The following GNB1 variants were observed in gnomAD, a reference collection of about 807,000 sequenced individuals.
GNB1 encodes the protein guanine nucleotide-binding protein G(I)/G(S)/G(T) subunit beta-1.
Under a neutral mutation model 42.9 loss-of-function variants are expected in GNB1, and 2 were observed. The ratio of observed to expected loss-of-function variants is 0.05; its 90% CI spans 0.02 to 0.15. The LOEUF is 0.15. Ranked by LOEUF, GNB1 falls within the 10% of genes least tolerant of loss-of-function variation. GNB1 has a pLI of 1.00. For synonymous variants in GNB1, 183 were observed against 174.7 expected, an observed-to-expected ratio of 1.05 and a Z score of -0.38; for missense variants, 193 against 462.2, an observed-to-expected ratio of 0.42 and a Z score of 5.34.
At chr1:1,845,461 TA>T (rs1367944166) in intron 1 of GNB1, among the ~76,000 whole-genome samples, 5 of 152,044 alleles carry the variant, frequency 3.3e-5, no homozygotes, top group Non-Finnish European at 5.9e-5. Flanking sequence ...TAGTCCCAGC[TA>T]CTCAGGAGGC....
intron 2 of GNB1, among the ~76,000 whole-genome samples, chr1:1,838,777 A>C (rs1480080705): frequency 6.6e-6 from 1 of 152,120 alleles, no homozygotes; most frequent in Non-Finnish European, 1.5e-5. Flanking sequence ...TCTGATTTGA[A>C]AAAAGGGCTC....
At chr1:1,839,503 G>A (rs1647195716) in intron 1 of GNB1, 1 of 152,088 alleles carries the variant, frequency 6.6e-6, no homozygotes, top group Admixed American at 6.6e-5. Context: ...TGAAAAGTAT[G>A]GGCACAGAGG....
chr1:1,848,310 C>T (rs1031994203), intron 1 of GNB1, among the ~76,000 whole-genome samples: 24 of 140,554 alleles, frequency 1.7e-4, no homozygotes, highest in African/African-American at 5.9e-4. Context: ...ACCCAGGAGG[C>T]GGAGGCTGCA....
intron 1 of GNB1, chr1:1,839,494 G>A (rs1323846464): frequency 6.6e-6 from 1 of 152,082 alleles, no homozygotes; most frequent in Non-Finnish European, 1.5e-5. Context: ...GAATTAAACT[G>A]AAAAGTATGG....
intron 7 of GNB1, among the ~76,000 whole-genome samples, chr1:1,801,305 G>T (rs1646623262): frequency 6.6e-6 from 1 of 152,198 alleles, no homozygotes; most frequent in South Asian, 2.1e-4. Flanking sequence ...TGGGATTACA[G>T]GCGTGAGCCA....
At chr1:1,855,655 G>A (rs1434369545) in intron 1 of GNB1, among the ~76,000 whole-genome samples, 3 of 151,016 alleles carry the variant, frequency 2.0e-5, no homozygotes, top group African/African-American at 2.4e-5. Context: ...GCAGTGAGCC[G>A]AGATCGCGCC....
chr1:1,846,659 G>A (rs534762552), intron 1 of GNB1, among the ~76,000 whole-genome samples: 129 of 152,270 alleles, frequency 8.5e-4, no homozygotes, highest in African/African-American at 3.0e-3. Context: ...CCTAGGCACA[G>A]CCATCCTCTT....
intron 5 of GNB1, among the ~76,000 whole-genome samples, chr1:1,814,555 T>C (rs1422354826): frequency 6.6e-6 from 1 of 151,890 alleles, no homozygotes; most frequent in Non-Finnish European, 1.5e-5. Flanking sequence ...TCTCAGCACT[T>C]TGGGAGGCTG....
chr1:1,890,726 A>C (rs1236038570), intron 1 of GNB1, 94 bp downstream of exon 1: 4 of 146,832 alleles, frequency 2.7e-5, no homozygotes, highest in African/African-American at 9.9e-5. Context: ...CGCGGCCCCG[A>C]CCGGCGGGTG....
Position 1,840,699 on chromosome 1 carries a change from G to A in GNB1, c.-95-1461C>T, listed in dbSNP as rs1208485187. Among the ~76,000 whole-genome samples, 4 of 152,302 alleles carry A rather than the reference G, an allele frequency of 2.6e-5. No individual in the cohort carries two copies. The East Asian group carries it at 7.7e-4, about 29-fold the overall frequency. On this transcript the variant is annotated intron_variant, in intron 1 of 11. Transcript: ENST00000378609. ...TTGTGAGTCCTGGCAAGTCTATGTTGGGACACTTCCAATCCCTCCCTCTGT... is the reference window on the plus strand; with the variant it reads ...TTGTGAGTCCTGGCAAGTCTATGTTAGGACACTTCCAATCCCTCCCTCTGT...
chr1:1,827,534 G>T (rs1473356400), intron 2 of GNB1, among the ~76,000 whole-genome samples: 1 of 152,206 alleles, frequency 6.6e-6, no homozygotes, highest in Non-Finnish European at 1.5e-5. Flanking sequence ...ATTCTTAAGG[G>T]ATAAGACTGG....
chr1:1,854,913 C>A (rs1397698435), intron 1 of GNB1, among the ~76,000 whole-genome samples: 4 of 152,106 alleles, frequency 2.6e-5, no homozygotes, highest in African/African-American at 4.8e-5. Flanking sequence ...GTAATCCCAG[C>A]ACTTTGGGAG....
chr1:1,829,415 GT>G (rs1409231730), intron 2 of GNB1, among the ~76,000 whole-genome samples: 1 of 152,186 alleles, frequency 6.6e-6, no homozygotes, highest in African/African-American at 2.4e-5. Context: ...TCAATGATCA[GT>G]ACCATCTTTT....
At chr1:1,829,744 T>A (rs1016174416) in intron 2 of GNB1, among the ~76,000 whole-genome samples, 1 of 152,082 alleles carries the variant, frequency 6.6e-6, no homozygotes, top group East Asian at 1.9e-4. Flanking sequence ...CCATCTTTTT[T>A]CTTTTTTTTT....
At chr1:1,798,608 C>T (rs1646578895) in intron 7 of GNB1, among the ~76,000 whole-genome samples, 1 of 152,206 alleles carries the variant, frequency 6.6e-6, no homozygotes, top group Non-Finnish European at 1.5e-5. Context: ...GAGAGGTATG[C>T]AAAGAACAAA....
intron 1 of GNB1, among the ~76,000 whole-genome samples, chr1:1,865,353 G>A (rs150326912): frequency 0.014 from 2,055 of 149,872 alleles, 37 homozygotes; most frequent in African/African-American, 0.048. Context: ...CTGAGAGGCC[G>A]AGGAGGGCGG....
At chr1:1,825,310 C>A in intron 3 of GNB1, 87 bp downstream of exon 3, 1 of 898,212 alleles carries the variant, frequency 1.1e-6, no homozygotes, top group South Asian at 1.3e-5. Flanking sequence ...TAGAACAAGT[C>A]ATCCTGTAAA....
intron 1 of GNB1, among the ~76,000 whole-genome samples, chr1:1,861,422 TGA>T (rs1446203338): frequency 1.3e-5 from 2 of 152,028 alleles, no homozygotes; most frequent in African/African-American, 4.8e-5. Flanking sequence ...CACTCCAGCC[TGA>T]GTGACAGAGC....
chr1:1,870,637 A>G (rs573735103), intron 1 of GNB1, among the ~76,000 whole-genome samples: 88 of 152,332 alleles, frequency 5.8e-4, no homozygotes, highest in Non-Finnish European at 1.1e-3. Context: ...AAGAATAATC[A>G]TCTGCCAAGA....
Sources: allele counts gnomAD v4.1 joint callset (sites outside exome capture counted in the v4.1 genomes callset), GRCh38; gene constraint gnomAD v4.1.1; transcripts MANE v1.5; gene names NCBI Gene and HGNC (gene_info 2026-07-23, HGNC 2026-07-21).